Variants in C17orf113 observed in about 807,000 individuals in gnomAD.
C17orf113 encodes uncharacterized protein C17orf113.
Under a neutral mutation model 11.6 loss-of-function variants are expected in C17orf113, and 5 were observed. That is an observed-to-expected ratio of 0.43 (90% confidence interval 0.23 to 0.91). The LOEUF is 0.91. C17orf113 is among the 40% of genes least tolerant of loss of function. C17orf113 has a pLI of 0.26. For missense variants in C17orf113, 714 were observed against 841.3 expected, an observed-to-expected ratio of 0.85 and a Z score of 1.87; for synonymous variants, 327 against 390.6, an observed-to-expected ratio of 0.84 and a Z score of 1.92.
rs2052955938 is a variant in C17orf113, at chr17:42,039,626, T to A, written c.*79A>T. On this transcript the variant is annotated 3_prime_UTR_variant, in exon 3 of 3. Coordinates refer to ENST00000587304, the MANE Select transcript of C17orf113 (RefSeq NM_001358661.2). ...GCTGCAGTCAGCAGATCATCTTGGG[T>A]GCAGCATGGTCAAGTCTAGGTTGGC... 12 of 1,186,432 alleles carry A rather than the reference T, an allele frequency of 1.0e-5. No homozygotes were observed. Among genetic ancestry groups the A allele is most frequent in the Non-Finnish European group, 1.2e-5 (11 of 946,734 alleles). The allele number at this position is 1,186,432 out of a possible 1,614,324, so 73.5% of individuals were successfully genotyped here. A position where few individuals can be genotyped will look rare whatever the true frequency, so the allele number is the denominator to read the frequency against.
chr17:42,040,302 G>T lies in C17orf113; in HGVS notation c.1431C>A (p.Leu477=). 1 of 1,231,704 alleles carries T rather than the reference G, an allele frequency of 8.1e-7. No homozygotes were observed. Among genetic ancestry groups the T allele is most frequent in the Non-Finnish European group, 1.0e-6 (1 of 987,904 alleles). The allele number at this position is 1,231,704 out of a possible 1,614,324, so 76.3% of individuals were successfully genotyped here. A position where few individuals can be genotyped will look rare whatever the true frequency, so the allele number is the denominator to read the frequency against. ...CCCGGACCGCAGCCTCGGAGTAACC[G>T]AGCAGCTCCACGCCGCGGTAGGTGC... ...GRCTYRGVEL[L]GYSEAAVRGL... Residue 477 remains leucine (L), a synonymous_variant, in exon 3 of 3, where the codon CTC becomes CTA. Transcript: ENST00000587304.
At chr17:42,046,039 C>A (rs2053153345) in intron 1 of C17orf113, among the ~76,000 whole-genome samples, 1 of 152,218 alleles carries the variant, frequency 6.6e-6, no homozygotes, top group African/African-American at 2.4e-5. Flanking sequence ...CTTACTAATT[C>A]CCACTCATTG....
chr17:42,043,468 G>A lies in C17orf113; in HGVS notation c.-92C>T, dbSNP rs2053077226. Reference sequence around the variant, plus strand: ...ACACAGGCACCTCCCTTGACAAGGAGAGTTGATGGGGAGGCAGGCTGGGGG... The same window carrying A: ...ACACAGGCACCTCCCTTGACAAGGAAAGTTGATGGGGAGGCAGGCTGGGGG... On this transcript the variant is annotated 5_prime_UTR_variant, in exon 2 of 3. Transcript: ENST00000587304. 2 of 1,138,558 alleles carry A rather than the reference G, an allele frequency of 1.8e-6. No individual in the cohort carries two copies. 70.5% of individuals were successfully genotyped at this position (1,138,558 alleles called of 1,614,324 possible). A position where few individuals can be genotyped will look rare whatever the true frequency, so the allele number is the denominator to read the frequency against.
intron 1 of C17orf113, among the ~76,000 whole-genome samples, chr17:42,045,685 C>A (rs1389964314): frequency 6.6e-6 from 1 of 152,194 alleles, no homozygotes; most frequent in Admixed American, 6.5e-5. Context: ...TTCAGGCCCT[C>A]ACGGTATCAC....
chr17:42,039,539 G>A lies in C17orf113; in HGVS notation c.*166C>T, dbSNP rs1032936780. On this transcript the variant is annotated 3_prime_UTR_variant, in exon 3 of 3. Transcript: ENST00000587304. ...CCAGTCCCTTCCTCCACAGCCCACAGGGTGGGGGGGGTTGGTGGGAAGCTC... is the reference window on the plus strand; with the variant it reads ...CCAGTCCCTTCCTCCACAGCCCACAAGGTGGGGGGGGTTGGTGGGAAGCTC... 3.0e-5 allele frequency: 12 copies of A among 394,744 alleles called. No homozygotes were observed. Among genetic ancestry groups the A allele is most frequent in the African/African-American group, 2.1e-4 (2 of 9,570 alleles). 24.5% of individuals were successfully genotyped at this position (394,744 alleles called of 1,614,324 possible). A position where few individuals can be genotyped will look rare whatever the true frequency, so the allele number is the denominator to read the frequency against.
intron 1 of C17orf113, among the ~76,000 whole-genome samples, chr17:42,046,388 T>A (rs1351402837): frequency 6.6e-6 from 1 of 152,100 alleles, no homozygotes; most frequent in Non-Finnish European, 1.5e-5. Context: ...AGCCCAGGAG[T>A]TCCATACCAG....
intron 2 of C17orf113, among the ~76,000 whole-genome samples, chr17:42,042,428 A>G (rs978584167): frequency 2.6e-5 from 4 of 152,126 alleles, no homozygotes; most frequent in Non-Finnish European, 5.9e-5. Flanking sequence ...AGGCTGAGGC[A>G]GGAGAATCAC....
At chr17:42,044,167 G>A (rs1555656389) in intron 1 of C17orf113, among the ~76,000 whole-genome samples, 6 of 111,694 alleles carry the variant, frequency 5.4e-5, no homozygotes. Flanking sequence ...AAAAAAATTA[G>A]CCAGGCATGG....
Position 42,042,991 on chromosome 17 carries a change from A to T in C17orf113, c.386T>A (p.Val129Glu). The T allele has an allele frequency of 1.6e-6, 2 of 1,232,330 alleles. No homozygotes were observed. Among genetic ancestry groups the T allele is most frequent in the African/African-American group, 1.5e-5 (1 of 64,526 alleles). The allele number at this position is 1,232,330 out of a possible 1,614,324, so 76.3% of individuals were successfully genotyped here. The change falls in exon 2 of 3, where the codon GTG becomes GAG. Residue 129 changes from valine (V) to glutamate (E), a missense_variant. By Grantham distance (121) the Val-to-Glu change is moderately radical. Transcript: ENST00000587304. ...GCAGTACACAGTAGTCAGCACAGCC[A>T]CTTTGGCCGGGTCTAACTCCACCTT... The part of the protein sequence containing the change: ...GVKVELDPAK[V>E]AVLTTVYCMA...
intron 1 of C17orf113, among the ~76,000 whole-genome samples, chr17:42,045,052 G>A (rs968919771): frequency 6.6e-6 from 1 of 152,076 alleles, no homozygotes; most frequent in African/African-American, 2.4e-5. Flanking sequence ...CAAGTAGCTG[G>A]GACTACAGGC....
chr17:42,048,890 C>T (rs1440418927), intron 1 of C17orf113, among the ~76,000 whole-genome samples: 3 of 151,268 alleles, frequency 2.0e-5, no homozygotes, highest in East Asian at 3.9e-4. Context: ...TTTAGTGAGC[C>T]GAGATCATGC....
At position 42,041,145 on chromosome 17, in the gene C17orf113, C is replaced by T; in HGVS notation, c.588G>A (p.Leu196=). 2 of 1,232,332 alleles carry T rather than the reference C, an allele frequency of 1.6e-6. No individual in the cohort carries two copies. Among genetic ancestry groups the T allele is most frequent in the South Asian group, 4.1e-5 (1 of 24,324 alleles). 76.3% of individuals were successfully genotyped at this position (1,232,332 alleles called of 1,614,324 possible). The change falls in exon 3 of 3, where the codon CTG becomes CTA. Residue 196 remains leucine (L), a synonymous_variant. Transcript: ENST00000587304. ...SVLHTEACQR[L]KASPYVGLVL... Reference sequence around the variant, plus strand: ...CCAGCCCCACATATGGGGATGCCTTCAGGCGCTGGCAGGCCTCTGTGTGCA... The same window carrying T: ...CCAGCCCCACATATGGGGATGCCTTTAGGCGCTGGCAGGCCTCTGTGTGCA...
Position 42,040,421 on chromosome 17 carries a change from A to G in C17orf113, c.1312T>C (p.Ser438Pro). 4 of 1,232,046 alleles carry G rather than the reference A, an allele frequency of 3.2e-6. No homozygotes were observed. Among genetic ancestry groups the G allele is most frequent in the Non-Finnish European group, 4.0e-6 (4 of 987,968 alleles). 76.3% of individuals were successfully genotyped at this position (1,232,046 alleles called of 1,614,324 possible). A position where few individuals can be genotyped will look rare whatever the true frequency, so the allele number is the denominator to read the frequency against. ...CCTGAGCCGCGCTGAGCTTGGAGGG[A>G]GGCCGCAGCCGCCATCACCAGAGGC... is the stretch of plus-strand genomic sequence containing the variant. ...LQPLVMAAAA[S>P]LQAQRGSGGA... Residue 438 changes from serine to proline, a missense_variant, in exon 3 of 3, where the codon TCC (serine) becomes CCC (proline). Ser to Pro is a moderately conservative substitution (Grantham distance 74). Transcript: ENST00000587304.
rs2052990544 is a variant in C17orf113, at chr17:42,040,465, G to A, written c.1268C>T (p.Pro423Leu). The change falls in exon 3 of 3, where the codon CCG becomes CTG. Residue 423 changes from proline (P) to leucine (L), a missense_variant. Pro to Leu is a moderately conservative substitution (Grantham distance 98). This residue lies in a region of C17orf113 where 516 missense variants were observed against 626.6 expected (regional missense o/e 0.82). Coordinates refer to ENST00000587304, the MANE Select transcript of C17orf113 (RefSeq NM_001358661.2). The stretch of plus-strand genomic sequence containing the variant: ...CAGAGGCTGCAGCAAGGCCAAGTCC[G>A]GCTCTTCTGCCTGCAGGACAAGGGA... ...KLSLVLQAEE[P>L]DLALLQPLVM... 2.4e-6 allele frequency: 3 copies of A among 1,232,214 alleles called. No individual in the cohort carries two copies. Among genetic ancestry groups the A allele is most frequent in the Admixed American group, 4.2e-5 (1 of 23,720 alleles). 76.3% of individuals were successfully genotyped at this position (1,232,214 alleles called of 1,614,324 possible).
intron 1 of C17orf113, among the ~76,000 whole-genome samples, chr17:42,047,677 A>G (rs1451831891): frequency 6.6e-6 from 1 of 151,304 alleles, no homozygotes; most frequent in Non-Finnish European, 1.5e-5. Flanking sequence ...TTTTCGAGAC[A>G]GAGTCTTGCT....
Position 42,039,927 on chromosome 17 carries a change from G to A in C17orf113, c.1806C>T (p.Ala602=). The change falls in exon 3 of 3, where the codon GCC becomes GCT. Residue 602 remains alanine, a synonymous_variant. Transcript: ENST00000587304. The stretch of plus-strand genomic sequence containing the variant: ...CGCCCGCGGGCAGCGCCAAAGCCAA[G>A]GCGGCTAGGGCGGCGAAGTCGGGGA... The part of the protein sequence containing the change: ...ELFPDFAALA[A]LALALPAGAG... The A allele has an allele frequency of 7.3e-6, 9 of 1,231,252 alleles. No individual in the cohort carries two copies. Among genetic ancestry groups the A allele is most frequent in the Non-Finnish European group, 9.1e-6 (9 of 987,606 alleles). The allele number at this position is 1,231,252 out of a possible 1,614,324, so 76.3% of individuals were successfully genotyped here. A position where few individuals can be genotyped will look rare whatever the true frequency, so the allele number is the denominator to read the frequency against.
intron 1 of C17orf113, among the ~76,000 whole-genome samples, chr17:42,044,918 CTTT>C (rs71157603): frequency 2.3e-5 from 3 of 132,616 alleles, no homozygotes; most frequent in Non-Finnish European, 1.6e-5. Flanking sequence ...CCAACTCTAC[CTTT>C]TTTTTTTTTT....
chr17:42,039,555 T>C lies in C17orf113; in HGVS notation c.*150A>G. ...CAGCCCACAGGGTGGGGGGGGTTGG[T>C]GGGAAGCTCCAGAAGGGCGGGTGGA... On this transcript the variant is annotated 3_prime_UTR_variant, in exon 3 of 3. Transcript: ENST00000587304. 1 of 650,846 alleles carries C rather than the reference T, an allele frequency of 1.5e-6. No individual in the cohort carries two copies. Among genetic ancestry groups the C allele is most frequent in the Non-Finnish European group, 2.2e-6 (1 of 464,112 alleles). 40.3% of individuals were successfully genotyped at this position (650,846 alleles called of 1,614,324 possible). A position where few individuals can be genotyped will look rare whatever the true frequency, so the allele number is the denominator to read the frequency against.
chr17:42,047,756 C>A (rs989822503), intron 1 of C17orf113, among the ~76,000 whole-genome samples: 2 of 151,234 alleles, frequency 1.3e-5, no homozygotes, highest in Admixed American at 6.6e-5. Context: ...TGGGTTCAAG[C>A]GATTCTCCTG....
Sources: gnomAD v4.1 joint callset for allele counts (sites outside exome capture counted in the v4.1 genomes callset) on GRCh38, gnomAD v4.1.1 for gene constraint, gnomAD v4.1.1 regional missense constraint, MANE v1.5 for transcripts, NCBI Gene and HGNC (gene_info 2026-07-23, HGNC 2026-07-21) for gene names.